The following DEPDC1B variants were observed in gnomAD, a reference collection of about 807,000 sequenced individuals.
The protein encoded by DEPDC1B is DEP domain-containing protein 1B.
Under a neutral mutation model 66.5 loss-of-function variants are expected in DEPDC1B, and 51 were observed. The ratio of observed to expected loss-of-function variants is 0.77; its 90% CI spans 0.61 to 0.97. The LOEUF (loss-of-function observed/expected upper bound fraction) is 0.97, where lower values mean the gene tolerates loss of function less well. Among genes scored for constraint, DEPDC1B ranks in the 50% least tolerant of loss-of-function variants. The pLI is 0.00. For synonymous variants in DEPDC1B, 226 were observed against 223.6 expected (o/e 1.01, Z -0.10); for missense variants, 552 against 637.1 (o/e 0.87, Z 1.44).
At chr5:60,610,328 T>C (rs1584025224) in intron 7 of DEPDC1B, among the ~76,000 whole-genome samples, 1 of 152,200 alleles carries the variant, frequency 6.6e-6, no homozygotes. Flanking sequence ...CCATGGGCTA[T>C]ATAGAGGAGT....
intron 7 of DEPDC1B, among the ~76,000 whole-genome samples, chr5:60,637,604 G>T (rs1753072998): frequency 6.6e-6 from 1 of 152,144 alleles, no homozygotes; most frequent in South Asian, 2.1e-4. Context: ...AGCATACTAA[G>T]CAACAGCAAA....
chr5:60,622,030 TAAAAA>T (rs111806398), intron 7 of DEPDC1B, among the ~76,000 whole-genome samples: 1 of 149,442 alleles, frequency 6.7e-6, no homozygotes, highest in Non-Finnish European at 1.5e-5. Flanking sequence ...CATGATGCTT[TAAAAA>T]AAAAAGTCCT....
intron 2 of DEPDC1B, among the ~76,000 whole-genome samples, chr5:60,675,059 C>A (rs951100126): frequency 3.9e-5 from 6 of 152,044 alleles, no homozygotes; most frequent in Non-Finnish European, 8.8e-5. Flanking sequence ...CCTTTGCATG[C>A]CTCATTCAAG....
At chr5:60,696,542 T>TAA (rs2112054125) in intron 1 of DEPDC1B, among the ~76,000 whole-genome samples, 1 of 152,292 alleles carries the variant, frequency 6.6e-6, no homozygotes, top group Non-Finnish European at 1.5e-5. Context: ...TTAAATAATC[T>TAA]AACAATATAC....
At chr5:60,634,160 T>C (rs973624440) in intron 7 of DEPDC1B, among the ~76,000 whole-genome samples, 1 of 152,120 alleles carries the variant, frequency 6.6e-6, no homozygotes, top group African/African-American at 2.4e-5. Context: ...TTCTAAGAAT[T>C]TAATCTGCCT....
chr5:60,663,275 G>T (rs1399035642), intron 2 of DEPDC1B, among the ~76,000 whole-genome samples: 1 of 152,108 alleles, frequency 6.6e-6, no homozygotes, highest in African/African-American at 2.4e-5. Context: ...TACCTGCTTA[G>T]ACCCGAGGAC....
rs745677260 is a variant in DEPDC1B at position 60,700,153 on chromosome 5, C to G, written c.-60G>C. On this transcript the variant is annotated 5_prime_UTR_variant, in exon 1 of 11. Transcript: ENST00000265036. ...CGCTGATCCCCGCCAGCCGGAGGAG[C>G]AGCAGTTTGAATCCCAAGCCCGCGG... The G allele has an allele frequency of 3.0e-5, 46 of 1,514,670 alleles. No individual in the cohort carries two copies. The highest frequency in any genetic ancestry group is 3.9e-5 in the Non-Finnish European group (44 of 1,135,910). 93.8% of individuals were successfully genotyped at this position (1,514,670 alleles called of 1,614,324 possible).
chr5:60,626,167 G>T (rs968573294), intron 7 of DEPDC1B, among the ~76,000 whole-genome samples: 2 of 151,854 alleles, frequency 1.3e-5, no homozygotes, highest in African/African-American at 4.8e-5. Context: ...CTATAGATTT[G>T]CCTATTCTGG....
rs112831670 is a variant in DEPDC1B, at chr5:60,628,749, T to C, written c.898+10001A>G. The C allele has an allele frequency of 1.7e-3, 264 of 152,346 alleles. 4 individuals carry two copies. The highest frequency in any genetic ancestry group is 5.8e-3 in the East Asian group (30 of 5,194). 9.4% of individuals were successfully genotyped at this position (152,346 alleles called of 1,614,324 possible). On this transcript the variant is annotated intron_variant, in intron 7 of 10. Transcript: ENST00000265036. ...TCCTGCATAGAGTCTCAAACTGCTA[T>C]AGCATTTTTATGACTTTTTTTTGCT... is the stretch of plus-strand genomic sequence containing the variant.
intron 2 of DEPDC1B, among the ~76,000 whole-genome samples, chr5:60,666,043 C>T (rs760377547): frequency 4.6e-5 from 7 of 152,180 alleles, no homozygotes; most frequent in East Asian, 1.9e-4. Context: ...TTCTGGTCCG[C>T]GTTTGTTACA....
At chr5:60,689,876 T>C (rs1253631707) in intron 1 of DEPDC1B, among the ~76,000 whole-genome samples, 1 of 152,140 alleles carries the variant, frequency 6.6e-6, no homozygotes, top group African/African-American at 2.4e-5. Context: ...ACCCCATTTC[T>C]ACAAAAAATT....
chr5:60,605,726 C>T lies in DEPDC1B; in HGVS notation c.1029G>A (p.Met343Ile). The change falls in exon 8 of 11, where the codon ATG becomes ATA. Residue 343 changes from methionine (M) to isoleucine (I), a missense_variant. Physicochemically the swap from Met to Ile is conservative, Grantham distance 10. Coordinates refer to ENST00000265036, the MANE Select transcript of DEPDC1B (RefSeq NM_018369.3). ...TACCAAAGCCATCACACAGGGGTGG[C>T]ATCTCTTTGTTTAAGCAAATCCTTG... ...MMARICLNKE[M>I]PPLCDGFGTR... is the part of the protein sequence containing the mutation. 1 of 1,612,722 alleles carries T rather than the reference C, an allele frequency of 6.2e-7. No individual in the cohort carries two copies. Among genetic ancestry groups the T allele is most frequent in the African/African-American group, 1.3e-5 (1 of 74,948 alleles).
At chr5:60,597,970 ATTT>A in intron 10 of DEPDC1B, 56 bp from the exon 11 acceptor site, 1 of 1,457,486 alleles carries the variant, frequency 6.9e-7, no homozygotes, top group Non-Finnish European at 9.1e-7. Context: ...AGCCAATAAA[ATTT>A]GGCAGCCAAA....
chr5:60,684,490 T>C (rs1470756777), intron 2 of DEPDC1B, among the ~76,000 whole-genome samples: 1 of 152,154 alleles, frequency 6.6e-6, no homozygotes, highest in Non-Finnish European at 1.5e-5. Flanking sequence ...AGAACATATA[T>C]TGGGGAAAGG....
At position 60,672,426 on chromosome 5, in the gene DEPDC1B, C is replaced by A. The variant is rs557683475; in HGVS notation, c.314+14536G>T. Among the ~76,000 whole-genome samples the A allele has an allele frequency of 2.6e-5, 4 of 152,290 alleles. No homozygotes were observed. The East Asian group carries it at 7.7e-4, about 29-fold the overall frequency. On this transcript the variant is annotated intron_variant, in intron 2 of 10. Transcript: ENST00000265036. ...GCAGAAGGCAAAGGAGAAGCAAGCA[C>A]CTTCTTCACAAGGTGGCAGGAGAGA...
chr5:60,620,498 T>C (rs1360020312), intron 7 of DEPDC1B, among the ~76,000 whole-genome samples: 1 of 152,182 alleles, frequency 6.6e-6, no homozygotes, highest in African/African-American at 2.4e-5. Context: ...CAGACACTTC[T>C]CAAAAGAAGA....
chr5:60,669,237 G>A (rs1753974262), intron 2 of DEPDC1B, among the ~76,000 whole-genome samples: 1 of 152,064 alleles, frequency 6.6e-6, no homozygotes, highest in Non-Finnish European at 1.5e-5. Context: ...AAGAAACATA[G>A]TTATAAATCT....
chr5:60,611,614 G>A (rs999966758), intron 7 of DEPDC1B, among the ~76,000 whole-genome samples: 4 of 152,376 alleles, frequency 2.6e-5, no homozygotes, highest in Middle Eastern at 3.4e-3. Context: ...CAGTGAAACA[G>A]CTGTGTTGCT....
chr5:60,644,919 T>A, intron 4 of DEPDC1B, 44 bp from the exon 5 acceptor site: 1 of 1,442,954 alleles, frequency 6.9e-7, no homozygotes, highest in Middle Eastern at 2.5e-4. Flanking sequence ...TCTTTAATAT[T>A]ATATTTACTC....
Sources: allele counts gnomAD v4.1 joint callset (sites outside exome capture counted in the v4.1 genomes callset), GRCh38; gene constraint gnomAD v4.1.1; transcripts MANE v1.5; gene names NCBI Gene and HGNC (gene_info 2026-07-23, HGNC 2026-07-21).